ITGA8: variants seen among roughly 807,000 people sequenced by gnomAD.
ITGA8 encodes the protein integrin subunit alpha 8.
In ITGA8, 91 loss-of-function variants were observed where a neutral mutation model predicts 142.3. The observed-to-expected ratio is 0.64, with a 90% CI of 0.54 to 0.76. ITGA8 has a LOEUF of 0.76. ITGA8 is among the 30% of genes least tolerant of loss of function. The pLI is 0.00. For synonymous variants in ITGA8, 505 were observed against 485.2 expected (o/e 1.04, Z -0.54); for missense variants, 1,406 against 1,327.7 (o/e 1.06, Z -0.92).
intron 2 of ITGA8, among the ~76,000 whole-genome samples, chr10:15,702,771 C>A (rs1301922890): frequency 6.6e-6 from 1 of 152,158 alleles, no homozygotes; most frequent in East Asian, 1.9e-4. Context: ...TCCTTAAAAG[C>A]CCATTTTAAA....
At chr10:15,644,479 T>G (rs1179529468) in intron 12 of ITGA8, among the ~76,000 whole-genome samples, 3 of 23,294 alleles carry the variant, frequency 1.3e-4, no homozygotes, top group African/African-American at 3.0e-4. Flanking sequence ...TATATATATA[T>G]ATATATATAT....
intron 28 of ITGA8, among the ~76,000 whole-genome samples, chr10:15,529,858 T>C (rs1390944433): frequency 6.6e-6 from 1 of 152,220 alleles, no homozygotes; most frequent in African/African-American, 2.4e-5. Flanking sequence ...ATGATTTTGA[T>C]AAAATGCAGA....
At chr10:15,624,929 C>T (rs1833554745) in intron 13 of ITGA8, among the ~76,000 whole-genome samples, 1 of 152,148 alleles carries the variant, frequency 6.6e-6, no homozygotes, top group Non-Finnish European at 1.5e-5. Flanking sequence ...GCAAACACAG[C>T]TCATGTCTGT....
intron 13 of ITGA8, among the ~76,000 whole-genome samples, chr10:15,617,159 G>T (rs9333143): frequency 0.9 from 136,216 of 152,188 alleles, 62,703 homozygotes; most frequent in Non-Finnish European, 1. Context: ...ATGCCAGGAG[G>T]CCTTTTAAAG....
At chr10:15,687,194 T>A (rs1834847273) in intron 3 of ITGA8, among the ~76,000 whole-genome samples, 1 of 152,178 alleles carries the variant, frequency 6.6e-6, no homozygotes, top group Non-Finnish European at 1.5e-5. Flanking sequence ...GCATTTCCTT[T>A]AGATACTTAT....
At chr10:15,521,669 T>C (rs1833073347) in intron 28 of ITGA8, among the ~76,000 whole-genome samples, 1 of 152,212 alleles carries the variant, frequency 6.6e-6, no homozygotes, top group Non-Finnish European at 1.5e-5. Flanking sequence ...TTATCTTTAT[T>C]TCATCTGACA....
chr10:15,520,072 T>C (rs115345283), intron 28 of ITGA8, among the ~76,000 whole-genome samples: 2,305 of 152,238 alleles, frequency 0.015, 54 homozygotes, highest in African/African-American at 0.054. Flanking sequence ...GTGTGCAAAG[T>C]GAATGTTCAA....
At chr10:15,669,011 C>T (rs183485270) in intron 8 of ITGA8, among the ~76,000 whole-genome samples, 1 of 152,166 alleles carries the variant, frequency 6.6e-6, no homozygotes, top group African/African-American at 2.4e-5. Flanking sequence ...AGTTACTCTT[C>T]TGGAGGAGTA....
chr10:15,631,503 G>A (rs1833684907), intron 13 of ITGA8, among the ~76,000 whole-genome samples: 1 of 151,890 alleles, frequency 6.6e-6, no homozygotes, highest in African/African-American at 2.4e-5. Context: ...ACTCAAAAGT[G>A]GGAGTTGAAC....
chr10:15,544,573 C>G (rs1222643658), intron 27 of ITGA8, among the ~76,000 whole-genome samples: 1 of 152,136 alleles, frequency 6.6e-6, no homozygotes, highest in Non-Finnish European at 1.5e-5. Flanking sequence ...TTTCATCTGA[C>G]TAGAGAAAAA....
At chr10:15,713,991 C>T (rs1290016636) in intron 2 of ITGA8, among the ~76,000 whole-genome samples, 1 of 152,094 alleles carries the variant, frequency 6.6e-6, no homozygotes, top group East Asian at 1.9e-4. Context: ...CTACCTCTTC[C>T]TGTCAACTTC....
chr10:15,604,173 C>T (rs1222738207), intron 20 of ITGA8, 35 bp downstream of exon 20: 1 of 1,587,266 alleles, frequency 6.3e-7, no homozygotes, highest in African/African-American at 1.4e-5. Context: ...AAAAATATAC[C>T]TAGCTCTTGA....
At chr10:15,640,076 G>A (rs975304290) in intron 13 of ITGA8, among the ~76,000 whole-genome samples, 12 of 152,336 alleles carry the variant, frequency 7.9e-5, no homozygotes, top group Middle Eastern at 3.4e-3. Context: ...GAGTCCGGGG[G>A]TAGAGGGCTG....
chr10:15,585,445 C>A (rs549803358), intron 23 of ITGA8, among the ~76,000 whole-genome samples: 1 of 152,286 alleles, frequency 6.6e-6, no homozygotes, highest in East Asian at 1.9e-4. Context: ...AGGGGGCGCC[C>A]CAGCGGCACC....
At chr10:15,539,384 C>T (rs1588632351) in intron 27 of ITGA8, among the ~76,000 whole-genome samples, 1 of 152,266 alleles carries the variant, frequency 6.6e-6, no homozygotes, top group Non-Finnish European at 1.5e-5. Flanking sequence ...GACTCTTCCC[C>T]AGGTTAAGTC....
Position 15,567,601 on chromosome 10 carries a change from C to T in ITGA8, c.2637+4610G>A, listed in dbSNP as rs1360723352. ...AAACTTACAGAAAACACAACTGAAC[C>T]TGATGAAGCAGAAACTATCACCGGA... On this transcript the variant is annotated intron_variant, in intron 25 of 29. Transcript: ENST00000378076. Among the ~76,000 whole-genome samples, 17 of 152,336 alleles carry T rather than the reference C, an allele frequency of 1.1e-4. No individual in the cohort carries two copies. In the South Asian group the frequency reaches 3.5e-3, roughly 32 times the overall value.
intron 2 of ITGA8, among the ~76,000 whole-genome samples, chr10:15,696,194 G>A (rs1322962553): frequency 6.6e-6 from 1 of 152,232 alleles, no homozygotes; most frequent in Admixed American, 6.5e-5. Flanking sequence ...GTGGTTCCGG[G>A]AGAGGATGGA....
chr10:15,663,582 T>C (rs1455344360), intron 8 of ITGA8, among the ~76,000 whole-genome samples: 1 of 151,984 alleles, frequency 6.6e-6, no homozygotes, highest in East Asian at 1.9e-4. Flanking sequence ...ACTCTTTTTT[T>C]TTTTGGACGA....
At chr10:15,718,690 G>A (rs139870642) in intron 2 of ITGA8, 76 bp downstream of exon 2, 4 of 1,568,020 alleles carry the variant, frequency 2.6e-6, no homozygotes, top group Non-Finnish European at 3.5e-6. Context: ...CACCAAGACA[G>A]CGGGAAGTCG....
Sources: allele counts gnomAD v4.1 joint callset (sites outside exome capture counted in the v4.1 genomes callset), GRCh38; gene constraint gnomAD v4.1.1; transcripts MANE v1.5; gene names NCBI Gene and HGNC (gene_info 2026-07-23, HGNC 2026-07-21).